ANKRD29: variants seen among roughly 807,000 people sequenced by gnomAD.
ANKRD29 encodes ankyrin repeat domain 29.
In ANKRD29, 32 loss-of-function variants were observed where a neutral mutation model predicts 38.0. That is an observed-to-expected ratio of 0.84 (90% CI 0.64 to 1.13). ANKRD29 has a LOEUF of 1.13. Ranked by LOEUF, ANKRD29 falls within the 50% of genes most tolerant of loss-of-function variation. ANKRD29 has a pLI of 0.00. For missense variants in ANKRD29, 357 were observed against 377.9 expected, an observed-to-expected ratio of 0.94 and a Z score of 0.46; for synonymous variants, 135 against 152.4, an observed-to-expected ratio of 0.89 and a Z score of 0.84.
At chr18:23,651,602 G>A (rs963909891) in intron 1 of ANKRD29, among the ~76,000 whole-genome samples, 1 of 152,184 alleles carries the variant, frequency 6.6e-6, no homozygotes, top group African/African-American at 2.4e-5. Context: ...ATGATAGACT[G>A]TAATTCATTT....
At chr18:23,635,049 T>C (rs958451057) in intron 4 of ANKRD29, among the ~76,000 whole-genome samples, 8 of 152,198 alleles carry the variant, frequency 5.3e-5, no homozygotes, top group African/African-American at 1.7e-4. Flanking sequence ...CCTTTTAACA[T>C]GTGCCAATTT....
At chr18:23,610,335 G>A (rs1164245097) in intron 9 of ANKRD29, among the ~76,000 whole-genome samples, 1 of 152,162 alleles carries the variant, frequency 6.6e-6, no homozygotes, top group Admixed American at 6.5e-5. Flanking sequence ...AAAATTAGCT[G>A]GGCATGATGG....
chr18:23,617,782 C>A lies in ANKRD29; in HGVS notation c.673G>T (p.Asp225Tyr). 1.9e-6 allele frequency: 3 copies of A among 1,614,110 alleles called. No homozygotes were observed. Among genetic ancestry groups the A allele is most frequent in the African/African-American group, 1.3e-5 (1 of 75,050 alleles). ...AATTTAAGCAACTCTTTTATGACAT[C>A]ATTATACCCTTTGTTGGCTGCTTTC... ...LLKAANKGYN[D>Y]VIKELLKFSP... Residue 225 changes from aspartate (D) to tyrosine (Y), a missense_variant, in exon 8 of 10, where the codon GAT becomes TAT. Asp to Tyr is a radical substitution (Grantham distance 160). Transcript: ENST00000592179.
chr18:23,634,795 G>T (rs747095516), intron 4 of ANKRD29, among the ~76,000 whole-genome samples: 1 of 152,214 alleles, frequency 6.6e-6, no homozygotes, highest in Non-Finnish European at 1.5e-5. Flanking sequence ...AAACACAGAA[G>T]AGAAAGTCTT....
chr18:23,641,667 G>T (rs995023969), intron 3 of ANKRD29, among the ~76,000 whole-genome samples: 1 of 152,186 alleles, frequency 6.6e-6, no homozygotes, highest in Non-Finnish European at 1.5e-5. Context: ...AGGCAGACAC[G>T]TTCCCACCCA....
intron 7 of ANKRD29, among the ~76,000 whole-genome samples, chr18:23,619,105 C>T (rs2059759868): frequency 6.6e-6 from 1 of 152,216 alleles, no homozygotes. Flanking sequence ...CAGCAGAGGC[C>T]AGTGGATGAC....
chr18:23,640,462 C>T (rs887363872), intron 3 of ANKRD29, among the ~76,000 whole-genome samples: 9 of 152,144 alleles, frequency 5.9e-5, no homozygotes, highest in Non-Finnish European at 7.4e-5. Flanking sequence ...TTTTAGCGCC[C>T]CAGAGTGGAA....
chr18:23,619,128 G>A (rs965603321), intron 7 of ANKRD29, among the ~76,000 whole-genome samples: 2 of 152,214 alleles, frequency 1.3e-5, no homozygotes, highest in Non-Finnish European at 2.9e-5. Flanking sequence ...CGGGCCAACA[G>A]GGGACGGGGT....
chr18:23,602,306 G>A (rs561505079), intron 9 of ANKRD29, among the ~76,000 whole-genome samples: 1 of 152,260 alleles, frequency 6.6e-6, no homozygotes, highest in Admixed American at 6.5e-5. Context: ...AAGGTGCTGG[G>A]ATTACAGGTG....
At chr18:23,615,795 C>G (rs1431974452) in intron 8 of ANKRD29, among the ~76,000 whole-genome samples, 1 of 151,314 alleles carries the variant, frequency 6.6e-6, no homozygotes, top group Admixed American at 6.6e-5. Context: ...GCCCACACAG[C>G]CTAAAATATT....
chr18:23,622,459 T>C (rs1490449860), intron 6 of ANKRD29, among the ~76,000 whole-genome samples: 2 of 152,196 alleles, frequency 1.3e-5, no homozygotes, highest in Non-Finnish European at 2.9e-5. Context: ...GTCTATTCAA[T>C]GTGCTTTTCA....
chr18:23,628,267 G>A (rs2059886280), intron 6 of ANKRD29, among the ~76,000 whole-genome samples: 1 of 152,156 alleles, frequency 6.6e-6, no homozygotes, highest in Admixed American at 6.5e-5. Flanking sequence ...AAACCACTTT[G>A]CTTTCCTGAC....
At chr18:23,612,585 C>A (rs1057444813) in intron 8 of ANKRD29, among the ~76,000 whole-genome samples, 1 of 152,174 alleles carries the variant, frequency 6.6e-6, no homozygotes, top group Non-Finnish European at 1.5e-5. Flanking sequence ...CCACTTCCAG[C>A]GAGGTTAGAG....
chr18:23,631,988 T>C (rs1282497453), intron 5 of ANKRD29, among the ~76,000 whole-genome samples: 1 of 152,110 alleles, frequency 6.6e-6, no homozygotes, highest in African/African-American at 2.4e-5. Context: ...CACCTCCCAT[T>C]GGGAACACTA....
At chr18:23,609,477 G>A (rs117047063) in intron 9 of ANKRD29, among the ~76,000 whole-genome samples, 135 of 152,232 alleles carry the variant, frequency 8.9e-4, no homozygotes, top group Admixed American at 3.8e-3. Flanking sequence ...CGCACAGCTG[G>A]CTCTGCGTGA....
chr18:23,656,802 A>G (rs912997764), intron 1 of ANKRD29, among the ~76,000 whole-genome samples: 1 of 152,228 alleles, frequency 6.6e-6, no homozygotes, highest in Admixed American at 6.5e-5. Flanking sequence ...GGTGGATAGA[A>G]GAATGTTGCT....
At chr18:23,638,472 A>G (rs73394204) in intron 4 of ANKRD29, among the ~76,000 whole-genome samples, 4,237 of 152,232 alleles carry the variant, frequency 0.028, 185 homozygotes, top group African/African-American at 0.096. Context: ...AACAATTCCT[A>G]TCATAGTATC....
intron 3 of ANKRD29, among the ~76,000 whole-genome samples, chr18:23,645,889 A>T (rs1056515987): frequency 6.6e-5 from 10 of 152,186 alleles, no homozygotes; most frequent in African/African-American, 1.9e-4. Flanking sequence ...ATCCTACAGT[A>T]TCTCATCCCA....
chr18:23,607,327 G>T (rs1447181992), intron 9 of ANKRD29, among the ~76,000 whole-genome samples: 1 of 152,194 alleles, frequency 6.6e-6, no homozygotes, highest in African/African-American at 2.4e-5. Flanking sequence ...ACCTGGGCCT[G>T]CAGAGAAATG....
Sources: allele counts gnomAD v4.1 joint callset (sites outside exome capture counted in the v4.1 genomes callset), GRCh38; gene constraint gnomAD v4.1.1; transcripts MANE v1.5; gene names NCBI Gene and HGNC (gene_info 2026-07-23, HGNC 2026-07-21).